EBF4: variants seen among roughly 807,000 people sequenced by gnomAD.
The protein encoded by EBF4 is EBF transcription factor 4.
In EBF4, 34 loss-of-function variants were observed where a neutral mutation model predicts 67.1. The ratio of observed to expected loss-of-function variants is 0.51; its 90% CI spans 0.39 to 0.67. The LOEUF (loss-of-function observed/expected upper bound fraction) is 0.67. Among genes scored for constraint, EBF4 ranks in the 30% least tolerant of loss-of-function variants. The pLI, the probability that EBF4 is intolerant of heterozygous loss-of-function variation, is 0.00. For missense variants in EBF4, 837 were observed against 873.3 expected, an observed-to-expected ratio of 0.96 and a Z score of 0.52; for synonymous variants, 387 against 377.7, an observed-to-expected ratio of 1.02 and a Z score of -0.29.
rs2087942466 is a variant in EBF4 at position 2,739,837 on chromosome 20, A to T, written c.558-8712A>T. Among the ~76,000 whole-genome samples, 1 of 152,220 alleles carries T rather than the reference A, an allele frequency of 6.6e-6. No homozygotes were observed. The highest frequency in any genetic ancestry group is 2.1e-4 in the South Asian group (1 of 4,834). ...CAGTGCCAGCTTTGGGCTTGGAAAC[A>T]CATATCCAATTTAATCTACCCTTCA... On this transcript the variant is annotated intron_variant, in intron 6 of 16. Transcript: ENST00000609451. This position sits in a 1 kb window ranked among gnomAD's most constrained non-coding sequence, Gnocchi z 4.5.
Position 2,707,450 on chromosome 20 carries a change from G to A in EBF4, c.415-497G>A, listed in dbSNP as rs982248161. 6.6e-6 allele frequency among the ~76,000 whole-genome samples: 1 copy of A among 152,146 alleles called. No homozygotes were observed. Among genetic ancestry groups the A allele is most frequent in the East Asian group, 1.9e-4 (1 of 5,192 alleles). On this transcript the variant is annotated intron_variant, in intron 4 of 16. Coordinates refer to ENST00000609451, the Ensembl canonical transcript of EBF4. The surrounding 1 kb of genome is among the most constrained non-coding windows in gnomAD (Gnocchi z 4.6). ...GGATGGTATGGGGGAAGAGGCGATA[G>A]TTATCTAGGGGGAAGAGGCAGCTGT... is the stretch of plus-strand genomic sequence containing the variant.
Position 2,739,972 on chromosome 20 carries a change from C to T in EBF4, c.558-8577C>T, listed in dbSNP as rs1056328401. Among the ~76,000 whole-genome samples the T allele has an allele frequency of 5.9e-5, 9 of 152,252 alleles. No individual in the cohort carries two copies. The highest frequency in any genetic ancestry group is 2.2e-4 in the African/African-American group (9 of 41,462). ...TGCATACCTTCTTTCTAGATCTGCA[C>T]TGTCCAATATGGTAGTCTCGAGCCA... On this transcript the variant is annotated intron_variant, in intron 6 of 16. Transcript: ENST00000609451. The surrounding 1 kb of genome is among the most constrained non-coding windows in gnomAD (Gnocchi z 4.5).
intron 1 of EBF4, among the ~76,000 whole-genome samples, chr20:2,704,418 C>A (rs2087422208): frequency 6.6e-6 from 1 of 152,218 alleles, no homozygotes; most frequent in Non-Finnish European, 1.5e-5. Flanking sequence ...GAGAATCTAA[C>A]CCCTTCCCCT....
At position 2,707,831 on chromosome 20, in the gene EBF4, C is replaced by A; in HGVS notation, c.415-116C>A. ...GAGCAAGGCAGAGGGCGTGCTCTTC[C>A]CTGGGGCAGGGTCTCCCTGGGCCTA... On this transcript the variant is annotated intron_variant, in intron 4 of 16. Coordinates refer to ENST00000609451, the Ensembl canonical transcript of EBF4. The surrounding 1 kb of genome is among the most constrained non-coding windows in gnomAD (Gnocchi z 4.6). The A allele has an allele frequency of 9.4e-7, 1 of 1,061,106 alleles. No homozygotes were observed. The highest frequency in any genetic ancestry group is 1.3e-6 in the Non-Finnish European group (1 of 756,786). The allele number at this position is 1,061,106 out of a possible 1,614,324, so 65.7% of individuals were successfully genotyped here.
intron 6 of EBF4, among the ~76,000 whole-genome samples, chr20:2,723,532 A>G (rs1014288903): frequency 1.3e-5 from 2 of 151,386 alleles, no homozygotes; most frequent in Non-Finnish European, 2.9e-5. Flanking sequence ...TGTATTTTTA[A>G]TAGAGACGGG....
In EBF4 at chr20:2,707,570, A is replaced by G. The variant is rs932604206; in HGVS notation, c.415-377A>G. Among the ~76,000 whole-genome samples, 1 of 151,808 alleles carries G rather than the reference A, an allele frequency of 6.6e-6. No homozygotes were observed. Among genetic ancestry groups the G allele is most frequent in the African/African-American group, 2.4e-5 (1 of 41,282 alleles). ...GTCCGTCAGGACATGGAGGATGCAC[A>G]CAGGAGGATGCTGGGGGAGGGGAGG... On this transcript the variant is annotated intron_variant, in intron 4 of 16. Coordinates refer to ENST00000609451, the Ensembl canonical transcript of EBF4. This position sits in a 1 kb window ranked among gnomAD's most constrained non-coding sequence, Gnocchi z 4.6.
intron 16 of EBF4, 116 bp downstream of exon 16, chr20:2,759,100 G>C (rs1319745880): frequency 1.8e-5 from 18 of 1,001,574 alleles, no homozygotes; most frequent in Non-Finnish European, 2.3e-5. Context: ...CACAGGGATG[G>C]GGAGCTGGGG....
Position 2,693,792 on chromosome 20 carries a change from C to G in EBF4, c.137+10C>G. 5.4e-6 allele frequency: 7 copies of G among 1,290,766 alleles called. No individual in the cohort carries two copies. The highest frequency in any genetic ancestry group is 6.9e-6 in the Non-Finnish European group (7 of 1,018,434). The allele number at this position is 1,290,766 out of a possible 1,614,324, so 80.0% of individuals were successfully genotyped here. A position where few individuals can be genotyped will look rare whatever the true frequency, so the allele number is the denominator to read the frequency against. On this transcript the variant is annotated intron_variant, in intron 1 of 16. Coordinates refer to ENST00000609451, the Ensembl canonical transcript of EBF4. The surrounding 1 kb of genome is among the most constrained non-coding windows in gnomAD (Gnocchi z 4.6). Reference sequence around the variant, plus strand: ...GCACCGCGGCGCAGAGGTAAGCGCTCGGACCGGACCCGGTGCGCTCGGGTT... The same window carrying G: ...GCACCGCGGCGCAGAGGTAAGCGCTGGGACCGGACCCGGTGCGCTCGGGTT...
At position 2,755,671 on chromosome 20, in the gene EBF4, C is replaced by T; in HGVS notation, c.1585C>T (p.Leu529Phe). 4 of 1,549,970 alleles carry T rather than the reference C, an allele frequency of 2.6e-6. No individual in the cohort carries two copies. The highest frequency in any genetic ancestry group is 3.5e-6 in the Non-Finnish European group (4 of 1,146,538). Reference sequence around the variant, plus strand: ...GCTGGCGGCTGCCTCCTCCATGTCCCTCCCGGCCGCTGCCCCCACCACCAG... The same window carrying T: ...GCTGGCGGCTGCCTCCTCCATGTCCTTCCCGGCCGCTGCCCCCACCACCAG... Residue 529 changes from leucine to phenylalanine, a missense_variant, in exon 15 of 17, where the codon CTC (leucine) becomes TTC (phenylalanine). By Grantham distance (22) the Leu-to-Phe change is conservative. This residue lies in a region of EBF4 where 525 missense variants were observed against 496.5 expected (regional missense o/e 1.06). Coordinates refer to ENST00000609451, the Ensembl canonical transcript of EBF4. The surrounding 1 kb of genome is among the most constrained non-coding windows in gnomAD (Gnocchi z 4.7).
At chr20:2,735,353 A>G (rs571667872) in intron 6 of EBF4, among the ~76,000 whole-genome samples, 1 of 152,346 alleles carries the variant, frequency 6.6e-6, no homozygotes, top group East Asian at 1.9e-4. Flanking sequence ...CTGGTCTTCA[A>G]CAGGGCTGGG....
intron 6 of EBF4, among the ~76,000 whole-genome samples, chr20:2,727,466 T>C (rs1052279273): frequency 1.3e-5 from 2 of 152,322 alleles, no homozygotes; most frequent in Non-Finnish European, 1.5e-5. Context: ...GTCATCCCTC[T>C]GATAAGCAGG....
intron 5 of EBF4, among the ~76,000 whole-genome samples, 169 bp downstream of exon 5, chr20:2,708,189 C>T (rs142230891): frequency 9.2e-5 from 14 of 152,266 alleles, no homozygotes; most frequent in African/African-American, 3.1e-4. Flanking sequence ...CTGGGCACAG[C>T]GCTGGCTGAG....
intron 6 of EBF4, among the ~76,000 whole-genome samples, chr20:2,730,916 T>C (rs2087805330): frequency 6.6e-6 from 1 of 152,206 alleles, no homozygotes; most frequent in Non-Finnish European, 1.5e-5. Flanking sequence ...GTTTGTTTGT[T>C]TTAGATGGAG....
intron 6 of EBF4, among the ~76,000 whole-genome samples, chr20:2,736,711 C>A (rs1164496629): frequency 1.3e-5 from 2 of 152,178 alleles, no homozygotes; most frequent in Admixed American, 6.5e-5. Context: ...TTCCCCCCAA[C>A]CCCCACCACT....
Position 2,755,814 on chromosome 20 carries a change from G to C in EBF4, c.1728G>C (p.Glu576Asp), listed in dbSNP as rs933680134. Reference sequence around the variant, plus strand: ...AGGCCTGCCCCAGAGCCCACGGAGAGGGGCTTCCAGGTGAGTGATCCACCC... The same window carrying C: ...AGGCCTGCCCCAGAGCCCACGGAGACGGGCTTCCAGGTGAGTGATCCACCC... The change falls in exon 15 of 17, where the codon GAG becomes GAC. Residue 576 changes from glutamate to aspartate, a missense_variant. Physicochemically the swap from Glu to Asp is conservative, Grantham distance 45. Transcript: ENST00000609451. This position sits in a 1 kb window ranked among gnomAD's most constrained non-coding sequence, Gnocchi z 4.7. 1.1e-5 allele frequency: 17 copies of C among 1,547,248 alleles called. No homozygotes were observed. Among genetic ancestry groups the C allele is most frequent in the Non-Finnish European group, 1.4e-5 (16 of 1,146,798 alleles).
intron 6 of EBF4, among the ~76,000 whole-genome samples, chr20:2,710,081 G>T (rs2087521139): frequency 6.6e-6 from 1 of 152,166 alleles, no homozygotes; most frequent in African/African-American, 2.4e-5. Context: ...GGAAAGAGCT[G>T]GCAGGTTTCA....
rs1347436008 is a variant in EBF4 at position 2,696,919 on chromosome 20, GT to G, written c.137+3138del. 6.6e-6 allele frequency among the ~76,000 whole-genome samples: 1 copy of G among 152,188 alleles called. No homozygotes were observed. The highest frequency in any genetic ancestry group is 1.5e-5 in the Non-Finnish European group (1 of 68,034). ...GCCTTCCCCTAAGGCAAGGGTAGCGGTCCGTTCATCCTTGTGTCCACAGCAC... is the reference window on the plus strand; with the variant it reads ...GCCTTCCCCTAAGGCAAGGGTAGCGGCCGTTCATCCTTGTGTCCACAGCAC... On this transcript the variant is annotated intron_variant, in intron 1 of 16. Transcript: ENST00000609451. This position sits in a 1 kb window ranked among gnomAD's most constrained non-coding sequence, Gnocchi z 4.7.
chr20:2,712,286 A>C (rs549396439), intron 6 of EBF4, among the ~76,000 whole-genome samples: 1 of 152,338 alleles, frequency 6.6e-6, no homozygotes, highest in African/African-American at 2.4e-5. Context: ...ACAATAGCCC[A>C]GGTGAAGGAT....
At position 2,751,026 on chromosome 20, in the gene EBF4, A is replaced by G. The variant is rs1046770085; in HGVS notation, c.1019-674A>G. 6.6e-6 allele frequency among the ~76,000 whole-genome samples: 1 copy of G among 152,044 alleles called. No individual in the cohort carries two copies. Among genetic ancestry groups the G allele is most frequent in the Non-Finnish European group, 1.5e-5 (1 of 68,004 alleles). ...TGAAAAGGGCGGTGCGGGGATCAGG[A>G]AAAGGGGAAGGAGGAGGAGAAGGGC... is the stretch of plus-strand genomic sequence containing the variant. On this transcript the variant is annotated intron_variant, in intron 10 of 16. Coordinates refer to ENST00000609451, the Ensembl canonical transcript of EBF4. The surrounding 1 kb of genome is among the most constrained non-coding windows in gnomAD (Gnocchi z 5.2).
Sources: allele counts gnomAD v4.1 joint callset (sites outside exome capture counted in the v4.1 genomes callset), GRCh38; gene constraint gnomAD v4.1.1; regional missense constraint gnomAD v4.1.1; non-coding constraint Gnocchi (gnomAD v3.1); transcripts MANE v1.5; gene names NCBI Gene and HGNC (gene_info 2026-07-23, HGNC 2026-07-21).